SYNRG: variants seen among roughly 807,000 people sequenced by gnomAD.
SYNRG encodes the protein synergin gamma.
A neutral mutation model predicts 130.9 loss-of-function variants in SYNRG; 37 were observed. The observed-to-expected ratio is 0.28, with a 90% CI of 0.22 to 0.37. The LOEUF (loss-of-function observed/expected upper bound fraction) is 0.37, where lower values mean the gene tolerates loss of function less well. Ranked by LOEUF, SYNRG falls within the 10% of genes least tolerant of loss-of-function variation. SYNRG has a pLI of 1.00. For missense variants in SYNRG, 1,338 were observed against 1,588.9 expected (o/e 0.84, Z 2.68); for synonymous variants, 539 against 568.1 (o/e 0.95, Z 0.73).
At position 37,609,317 on chromosome 17, in the gene SYNRG, C is replaced by A; in HGVS notation, c.39G>T (p.Gly13=). 1 of 1,467,980 alleles carries A rather than the reference C, an allele frequency of 6.8e-7. No individual in the cohort carries two copies. The allele number at this position is 1,467,980 out of a possible 1,614,324, so 90.9% of individuals were successfully genotyped here. A position where few individuals can be genotyped will look rare whatever the true frequency, so the allele number is the denominator to read the frequency against. The change falls in exon 1 of 22, where the codon GGG becomes GGT. Residue 13 remains glycine, a synonymous_variant. Coordinates refer to ENST00000612223, the MANE Select transcript of SYNRG (RefSeq NM_007247.6). Reference sequence around the variant, plus strand: ...CGGACCCCGCGCCAGCTCCCGCGGCCCCGCCGCCACCAGAACCAGCTCCTG... The same window carrying A: ...CGGACCCCGCGCCAGCTCCCGCGGCACCGCCGCCACCAGAACCAGCTCCTG... ...LRPGAGSGGG[G]AAGAGAGSAG...
At chr17:37,522,157 A>ACACACACACACACACACACACACACAC (rs1568245884) in intron 19 of SYNRG, among the ~76,000 whole-genome samples, 3 of 151,166 alleles carry the variant, frequency 2.0e-5, no homozygotes, top group African/African-American at 4.9e-5. Flanking sequence ...ACACACACAC[A>ACACACACACACACACACACACACACAC]ATGGTTAAAA....
chr17:37,609,191 A>T, intron 1 of SYNRG, 88 bp downstream of exon 1: 1 of 1,289,098 alleles, frequency 7.8e-7, no homozygotes, highest in Non-Finnish European at 1.0e-6. Context: ...GAAAAGGATC[A>T]GGGCTGGAGA....
chr17:37,519,122 C>T (rs1397892067), intron 21 of SYNRG, 51 bp from the exon 22 acceptor site: 2 of 1,590,646 alleles, frequency 1.3e-6, no homozygotes, highest in South Asian at 1.1e-5. Context: ...TTCTGCATCT[C>T]AGAGCTTTTC....
chr17:37,540,975 C>T, intron 15 of SYNRG: 1 of 988,316 alleles, frequency 1.0e-6, no homozygotes. Flanking sequence ...GAGGCATTCA[C>T]AAACACATTC....
intron 1 of SYNRG, among the ~76,000 whole-genome samples, chr17:37,604,013 G>C (rs2063518750): frequency 1.3e-5 from 2 of 152,100 alleles, no homozygotes; most frequent in South Asian, 2.1e-4. Context: ...GGCCGAGGTG[G>C]GTGGATTACC....
chr17:37,546,549 T>C (rs1473467587), intron 14 of SYNRG, among the ~76,000 whole-genome samples: 2 of 152,248 alleles, frequency 1.3e-5, no homozygotes, highest in Non-Finnish European at 2.9e-5. Flanking sequence ...CCTATCAGTC[T>C]CTTCCATAAC....
intron 11 of SYNRG, 140 bp downstream of exon 11, chr17:37,568,651 T>C (rs1216892054): frequency 5.1e-5 from 46 of 910,252 alleles, no homozygotes; most frequent in Non-Finnish European, 7.0e-5. Context: ...AGTAAAAGTA[T>C]TAATACAGAG....
chr17:37,607,682 G>C (rs2063872296), intron 1 of SYNRG, among the ~76,000 whole-genome samples: 1 of 152,036 alleles, frequency 6.6e-6, no homozygotes, highest in Non-Finnish European at 1.5e-5. Flanking sequence ...CCAGCTACTT[G>C]GGAGGCTGAG....
At chr17:37,600,495 G>A in intron 1 of SYNRG, 92 bp from the exon 2 acceptor site, 1 of 1,235,556 alleles carries the variant, frequency 8.1e-7, no homozygotes, top group Non-Finnish European at 1.2e-6. Context: ...AAGACTTGTA[G>A]ATGGGACCTG....
chr17:37,577,845 C>T (rs1037820094), intron 6 of SYNRG, among the ~76,000 whole-genome samples: 1 of 108,254 alleles, frequency 9.2e-6, no homozygotes, highest in African/African-American at 3.6e-5. Context: ...ATTATAGGCG[C>T]CCGCCACCAA....
chr17:37,603,321 T>C (rs28593561), intron 1 of SYNRG, among the ~76,000 whole-genome samples: 95 of 152,160 alleles, frequency 6.2e-4, no homozygotes, highest in African/African-American at 2.0e-3. Context: ...CTGGGCAACA[T>C]AGTGAGACCT....
At chr17:37,542,916 T>C (rs1325869061) in intron 14 of SYNRG, among the ~76,000 whole-genome samples, 1 of 152,216 alleles carries the variant, frequency 6.6e-6, no homozygotes, top group Non-Finnish European at 1.5e-5. Flanking sequence ...TGTACTGATA[T>C]TCCTTGCCTA....
At chr17:37,580,301 T>C (rs1042240095) in intron 6 of SYNRG, among the ~76,000 whole-genome samples, 6 of 151,722 alleles carry the variant, frequency 4.0e-5, no homozygotes, top group African/African-American at 1.2e-4. Flanking sequence ...AAGAACTTTT[T>C]TTTTTTTTTT....
rs2054406850 is a variant in SYNRG at position 37,516,122 on chromosome 17, CTTATTAATGGCCA to C, written c.*2805_*2817del. ...ACATCCCACCAAAAAAAGAAAAGTG[CTTATTAATGGCCA>C]TTCAAGCAGTGGGGTGAAGCGGGCT... is the stretch of plus-strand genomic sequence containing the variant. On this transcript the variant is annotated 3_prime_UTR_variant, in exon 22 of 22. Coordinates refer to ENST00000612223, the MANE Select transcript of SYNRG (RefSeq NM_007247.6). 6.6e-6 allele frequency: 1 copy of C among 152,038 alleles called. No individual in the cohort carries two copies. Among genetic ancestry groups the C allele is most frequent in the Non-Finnish European group, 1.5e-5 (1 of 68,020 alleles). 9.4% of individuals were successfully genotyped at this position (152,038 alleles called of 1,614,324 possible).
chr17:37,602,684 C>A (rs753954230), intron 1 of SYNRG, among the ~76,000 whole-genome samples: 2 of 152,110 alleles, frequency 1.3e-5, no homozygotes, highest in Non-Finnish European at 2.9e-5. Context: ...AAAATACATA[C>A]CTAGTGATTT....
intron 6 of SYNRG, among the ~76,000 whole-genome samples, chr17:37,580,296 C>CTT (rs111270719): frequency 2.2e-5 from 3 of 138,322 alleles, no homozygotes; most frequent in Non-Finnish European, 3.1e-5. Flanking sequence ...TACAAAAGAA[C>CTT]TTTTTTTTTT....
intron 8 of SYNRG, 97 bp downstream of exon 8, chr17:37,576,244 A>AT: frequency 8.2e-7 from 1 of 1,222,058 alleles, no homozygotes; most frequent in Non-Finnish European, 1.2e-6. Flanking sequence ...CTCCTCCTGC[A>AT]TTTTTTGTAA....
chr17:37,564,920 T>C (rs966068165), intron 11 of SYNRG, among the ~76,000 whole-genome samples: 1 of 152,222 alleles, frequency 6.6e-6, no homozygotes, highest in Non-Finnish European at 1.5e-5. Context: ...AAATAAATGT[T>C]TGCTGGATGA....
rs760308765 is a variant in SYNRG at position 37,568,943 on chromosome 17, T to C, written c.1348-19A>G. On this transcript the variant is annotated intron_variant, in intron 10 of 21. Coordinates refer to ENST00000612223, the MANE Select transcript of SYNRG (RefSeq NM_007247.6). ...TTACTACCTAGGTTTATAAAGGTCATTTAAATAAATAGCACTGACTGACAA... is the reference window on the plus strand; with the variant it reads ...TTACTACCTAGGTTTATAAAGGTCACTTAAATAAATAGCACTGACTGACAA... 3.7e-6 allele frequency: 6 copies of C among 1,603,826 alleles called. No homozygotes were observed. In the African/African-American group the frequency reaches 8.1e-5, roughly 22 times the overall value.
Sources: gnomAD v4.1 joint callset for allele counts (sites outside exome capture counted in the v4.1 genomes callset) on GRCh38, gnomAD v4.1.1 for gene constraint, MANE v1.5 for transcripts, NCBI Gene and HGNC (gene_info 2026-07-23, HGNC 2026-07-21) for gene names.